EEF2KMT: variants seen among roughly 807,000 people sequenced by gnomAD.
EEF2KMT encodes the protein protein-lysine N-methyltransferase EEF2KMT.
Under a neutral mutation model 35.1 loss-of-function variants are expected in EEF2KMT, and 30 were observed. The ratio of observed to expected loss-of-function variants is 0.85; its 90% confidence interval spans 0.64 to 1.16. The LOEUF (loss-of-function observed/expected upper bound fraction) is 1.16. Ranked by LOEUF, EEF2KMT falls within the 50% of genes most tolerant of loss-of-function variation. The probability of loss-of-function intolerance (pLI) is 0.00; values close to 1 mark genes in which losing one functional copy is unlikely to be tolerated. For synonymous variants in EEF2KMT, 190 were observed against 187.7 expected, an observed-to-expected ratio of 1.01 and a Z score of -0.10; for missense variants, 499 against 438.2, an observed-to-expected ratio of 1.14 and a Z score of -1.24.
At chr16:5,088,987 C>T (rs1343815116) in intron 7 of EEF2KMT, 120 bp downstream of exon 7, 1 of 1,592,126 alleles carries the variant, frequency 6.3e-7, no homozygotes, top group Admixed American at 1.7e-5. Context: ...GAGTTCCCCC[C>T]ATGGTGTGGG....
At chr16:5,088,402 T>C (rs12325322) in intron 7 of EEF2KMT, among the ~76,000 whole-genome samples, 1,592 of 152,272 alleles carry the variant, frequency 0.01, 24 homozygotes, top group African/African-American at 0.035. Context: ...CATGTGCATC[T>C]GTGCACATGG....
In EEF2KMT at chr16:5,085,399, C is replaced by T. The variant is rs1017716654; in HGVS notation, c.*233G>A. ...ATGCTATTTTTGGAGCCAGAATTTTCATGTCTGATTTATGGTGATTTTCTT... is the reference window on the plus strand; with the variant it reads ...ATGCTATTTTTGGAGCCAGAATTTTTATGTCTGATTTATGGTGATTTTCTT... On this transcript the variant is annotated 3_prime_UTR_variant, in exon 8 of 8. Coordinates refer to ENST00000427587, the MANE Select transcript of EEF2KMT (RefSeq NM_201400.4). 9 of 559,398 alleles carry T rather than the reference C, an allele frequency of 1.6e-5. No homozygotes were observed. Among genetic ancestry groups the T allele is most frequent in the Non-Finnish European group, 2.6e-5 (8 of 303,758 alleles). The allele number at this position is 559,398 out of a possible 1,614,324, so 34.7% of individuals were successfully genotyped here. A position where few individuals can be genotyped will look rare whatever the true frequency, so the allele number is the denominator to read the frequency against.
rs1957112528 is a variant in EEF2KMT, at chr16:5,085,216, T to C, written c.*416A>G. ...CTCCAGGTGTCCCCTTTCTGCCGTG[T>C]TCCTAACATTTTGATTCCTGTCTTG... On this transcript the variant is annotated 3_prime_UTR_variant, in exon 8 of 8. Coordinates refer to ENST00000427587, the MANE Select transcript of EEF2KMT (RefSeq NM_201400.4). 1.8e-6 allele frequency: 1 copy of C among 542,502 alleles called. No homozygotes were observed. Among genetic ancestry groups the C allele is most frequent in the Non-Finnish European group, 3.3e-6 (1 of 302,700 alleles). The allele number at this position is 542,502 out of a possible 1,614,324, so 33.6% of individuals were successfully genotyped here.
At chr16:5,094,685 C>G (rs555747558) in intron 2 of EEF2KMT, among the ~76,000 whole-genome samples, 1 of 148,738 alleles carries the variant, frequency 6.7e-6, no homozygotes, top group African/African-American at 2.5e-5. Context: ...GCTCGAAGCC[C>G]TGGTATTGCC....
Position 5,084,931 on chromosome 16 carries a change from G to C in EEF2KMT, c.*701C>G. On this transcript the variant is annotated 3_prime_UTR_variant, in exon 8 of 8. Coordinates refer to ENST00000427587, the MANE Select transcript of EEF2KMT (RefSeq NM_201400.4). ...CAGGACCCCTGCTGTCCTTCCCGCA[G>C]CTTCTTCTTGGAGTCTCAGGGCAAA... 2 of 1,596,392 alleles carry C rather than the reference G, an allele frequency of 1.3e-6. No homozygotes were observed. The highest frequency in any genetic ancestry group is 1.7e-6 in the Non-Finnish European group (2 of 1,179,744).
chr16:5,090,397 C>G lies in EEF2KMT; in HGVS notation c.476+35G>C. The G allele has an allele frequency of 6.2e-7, 1 of 1,612,026 alleles. No individual in the cohort carries two copies. On this transcript the variant is annotated intron_variant, in intron 5 of 7. Coordinates refer to ENST00000427587, the MANE Select transcript of EEF2KMT (RefSeq NM_201400.4). This position sits in a 1 kb window ranked among gnomAD's most constrained non-coding sequence, Gnocchi z 4.1. ...TGTCTGCGACTGCACCAGGGTAAGC[C>G]TGCCTCGGTGCCCTGCCCTGCGCCC...
chr16:5,095,168 T>C (rs888850595), intron 2 of EEF2KMT, among the ~76,000 whole-genome samples: 11 of 152,230 alleles, frequency 7.2e-5, no homozygotes, highest in African/African-American at 1.2e-4. Context: ...GCACCTGTCA[T>C]CTCTGTTTTT....
chr16:5,086,162 C>G (rs995185688), intron 7 of EEF2KMT, among the ~76,000 whole-genome samples: 1 of 152,094 alleles, frequency 6.6e-6, no homozygotes, highest in Non-Finnish European at 1.5e-5. Flanking sequence ...ATGGTGAAAT[C>G]CCATCTCTAC....
Position 5,093,517 on chromosome 16 carries a change from A to T in EEF2KMT, c.207T>A (p.Tyr69Ter), listed in dbSNP as rs1337242300. 6.2e-7 allele frequency: 1 copy of T among 1,611,610 alleles called. No homozygotes were observed. Among genetic ancestry groups the T allele is most frequent in the Non-Finnish European group, 8.5e-7 (1 of 1,179,830 alleles). The change falls in exon 3 of 8, where the codon TAT becomes TAA. Residue 69 changes from tyrosine (Y) to a stop codon, truncating the protein, a stop_gained. Coordinates refer to ENST00000427587, the MANE Select transcript of EEF2KMT (RefSeq NM_201400.4). LOFTEE classifies it high-confidence loss of function. ...TGAGTTCTGAGAGAAAGCACCGGGCATATTTGACGGACGGCGGGTGCTTCA... is the reference window on the plus strand; with the variant it reads ...TGAGTTCTGAGAGAAAGCACCGGGCTTATTTGACGGACGGCGGGTGCTTCA... The part of the protein sequence containing the change: ...VCVKHPPSVK[Y>*]ARCFLSELIK...
chr16:5,087,547 C>G (rs566672554), intron 7 of EEF2KMT, among the ~76,000 whole-genome samples: 1 of 152,244 alleles, frequency 6.6e-6, no homozygotes, highest in African/African-American at 2.4e-5. Context: ...GCCCGTATTC[C>G]TAACACTTTG....
At chr16:5,095,675 G>C (rs1169634322) in intron 1 of EEF2KMT, among the ~76,000 whole-genome samples, 161 bp from the exon 2 acceptor site, 5 of 152,132 alleles carry the variant, frequency 3.3e-5, no homozygotes, top group African/African-American at 7.2e-5. Context: ...TTCAGATGTC[G>C]CAGGGTGCAC....
In EEF2KMT at chr16:5,090,131, G is replaced by T. The variant is rs534671907; in HGVS notation, c.695C>A (p.Thr232Lys). 1.2e-6 allele frequency: 2 copies of T among 1,609,422 alleles called. No homozygotes were observed. The highest frequency in any genetic ancestry group is 1.7e-5 in the Admixed American group (1 of 60,004). The change falls in exon 6 of 8, where the codon ACG (threonine) becomes AAG (lysine). Residue 232 changes from threonine (T) to lysine (K), a missense_variant. Transcript: ENST00000427587. The surrounding 1 kb of genome is among the most constrained non-coding windows in gnomAD (Gnocchi z 4.1). Reference protein sequence around the residue: ...TVAQLDWDVATVHQLSAFQPD... With the variant: ...TVAQLDWDVAKVHQLSAFQPD... ...CTGGAAGGCAGAGAGCTGATGGACC[G>T]TCGCGACGTCCCAGTCCAGCTGGGC...
rs1348665637 is a variant in EEF2KMT, at chr16:5,093,342, A to G, written c.240+142T>C. The stretch of plus-strand genomic sequence containing the variant: ...CCCTGCACTGTCTCCCATGGGTCAC[A>G]TGTGGCTGCAGCCAGTTGCCTGGGG... On this transcript the variant is annotated intron_variant, in intron 3 of 7. Coordinates refer to ENST00000427587, the MANE Select transcript of EEF2KMT (RefSeq NM_201400.4). The G allele has an allele frequency of 9.3e-6, 12 of 1,293,934 alleles. No individual in the cohort carries two copies. The Middle Eastern group carries it at 1.0e-3, about 113-fold the overall frequency. The allele number at this position is 1,293,934 out of a possible 1,614,324, so 80.2% of individuals were successfully genotyped here.
Position 5,093,533 on chromosome 16 carries a change from G to T in EEF2KMT, c.191C>A (p.Pro64Gln), listed in dbSNP as rs138387891. 84 of 1,611,978 alleles carry T rather than the reference G, an allele frequency of 5.2e-5. No individual in the cohort carries two copies. In the African/African-American group the frequency reaches 9.2e-4, roughly 18 times the overall value. The change falls in exon 3 of 8, where the codon CCG becomes CAG. Residue 64 changes from proline to glutamine, a missense_variant. Physicochemically the swap from Pro to Gln is moderately conservative, Grantham distance 76. Transcript: ENST00000427587. ...GCACCGGGCATATTTGACGGACGGC[G>T]GGTGCTTCACACACACAGGATGCTT... ...TVKHPVCVKH[P>Q]PSVKYARCFL... is the part of the protein sequence containing the mutation.
chr16:5,093,630 C>G (rs1477886188), intron 2 of EEF2KMT, 66 bp from the exon 3 acceptor site: 1 of 1,607,920 alleles, frequency 6.2e-7, no homozygotes, highest in African/African-American at 1.3e-5. Context: ...AGCTTCAAGC[C>G]AACACAGCAG....
Position 5,085,457 on chromosome 16 carries a change from C to T in EEF2KMT, c.*175G>A. 1.6e-6 allele frequency: 1 copy of T among 625,114 alleles called. No individual in the cohort carries two copies. The highest frequency in any genetic ancestry group is 2.9e-6 in the Non-Finnish European group (1 of 339,662). The allele number at this position is 625,114 out of a possible 1,614,324, so 38.7% of individuals were successfully genotyped here. A position where few individuals can be genotyped will look rare whatever the true frequency, so the allele number is the denominator to read the frequency against. On this transcript the variant is annotated 3_prime_UTR_variant, in exon 8 of 8. Coordinates refer to ENST00000427587, the MANE Select transcript of EEF2KMT (RefSeq NM_201400.4). ...AGAACTGCTGGCAGAAAGGGGGCAC[C>T]CACACGCTTAGATAGCCGATGTCTT... is the stretch of plus-strand genomic sequence containing the variant.
At chr16:5,091,642 C>T (rs1957342359) in intron 4 of EEF2KMT, 152 bp downstream of exon 4, 1 of 1,367,690 alleles carries the variant, frequency 7.3e-7, no homozygotes, top group Non-Finnish European at 9.8e-7. Context: ...GATTTACAGA[C>T]AGGGAAACTG....
At chr16:5,094,321 G>C (rs1195102777) in intron 2 of EEF2KMT, among the ~76,000 whole-genome samples, 2 of 152,186 alleles carry the variant, frequency 1.3e-5, no homozygotes, top group African/African-American at 4.8e-5. Context: ...GGAGTGCAGT[G>C]GCCCGATCTT....
chr16:5,097,697 T>C lies in EEF2KMT; in HGVS notation c.43A>G (p.Ser15Gly). 1 of 1,581,796 alleles carries C rather than the reference T, an allele frequency of 6.3e-7. No homozygotes were observed. Among genetic ancestry groups the C allele is most frequent in the East Asian group, 2.3e-5 (1 of 43,662 alleles). Residue 15 changes from serine (S) to glycine (G), a missense_variant, in exon 1 of 8, where the codon AGT (serine) becomes GGT (glycine). By Grantham distance (56) the Ser-to-Gly change is moderately conservative. Transcript: ENST00000427587. ...ENAGTELLLQ[S>G]FERRFLAART... ...GCCGCCAGGAAGCGGCGCTCGAAAC[T>C]CTGCAGCAAGAGTTCGGTCCCCGCG...
Sources: gnomAD v4.1 joint callset for allele counts (sites outside exome capture counted in the v4.1 genomes callset) on GRCh38, gnomAD v4.1.1 for gene constraint, Gnocchi (gnomAD v3.1) non-coding constraint, MANE v1.5 for transcripts, NCBI Gene and HGNC (gene_info 2026-07-23, HGNC 2026-07-21) for gene names.